The following ZKSCAN8 variants were observed in gnomAD, a reference collection of about 807,000 sequenced individuals.
ZKSCAN8 encodes the protein zinc finger protein with KRAB and SCAN domains 8.
A neutral mutation model predicts 57.2 loss-of-function variants in ZKSCAN8; 27 were observed. The observed-to-expected ratio is 0.47, with a 90% CI of 0.35 to 0.65. ZKSCAN8 has a LOEUF of 0.65. Ranked by LOEUF, ZKSCAN8 falls within the 30% of genes least tolerant of loss-of-function variation. The pLI, the probability that ZKSCAN8 is intolerant of heterozygous loss-of-function variation, is 0.01. For missense variants in ZKSCAN8, 597 were observed against 696.3 expected, an observed-to-expected ratio of 0.86 and a Z score of 1.60; for synonymous variants, 214 against 248.7, an observed-to-expected ratio of 0.86 and a Z score of 1.31.
chr6:28,146,275 G>A (rs1244241846), intron 1 of ZKSCAN8, among the ~76,000 whole-genome samples: 1 of 152,150 alleles, frequency 6.6e-6, no homozygotes, highest in African/African-American at 2.4e-5. Context: ...AAGTTTTGAA[G>A]TCAGAATTCC....
chr6:28,149,727 T>A, intron 3 of ZKSCAN8, 103 bp downstream of exon 3: 1 of 1,369,692 alleles, frequency 7.3e-7, no homozygotes, highest in South Asian at 1.5e-5. Flanking sequence ...AAAATCCTGT[T>A]TACAGACCAG....
At chr6:28,145,997 T>C (rs2113577934) in intron 1 of ZKSCAN8, among the ~76,000 whole-genome samples, 1 of 152,254 alleles carries the variant, frequency 6.6e-6, no homozygotes, top group African/African-American at 2.4e-5. Flanking sequence ...GGAACATGAA[T>C]GGGAAAAAAG....
At position 28,148,451 on chromosome 6, in the gene ZKSCAN8, A is replaced by C. The variant is rs774732868; in HGVS notation, c.44A>C (p.Asp15Ala). The stretch of plus-strand genomic sequence containing the variant: ...AAGCCTTCAGCCCCATCCCCACCAG[A>C]CCAGACTCCTGAAGAGGATCTTGTA... Reference protein sequence around the residue: ...SRKPSAPSPPDQTPEEDLVIV... With the variant: ...SRKPSAPSPPAQTPEEDLVIV... Residue 15 changes from aspartate (D) to alanine (A), a missense_variant, in exon 2 of 6, where the codon GAC (aspartate) becomes GCC (alanine). Coordinates refer to ENST00000330236, the MANE Select transcript of ZKSCAN8 (RefSeq NM_006298.4). The C allele has an allele frequency of 6.2e-7, 1 of 1,614,130 alleles. No homozygotes were observed. The highest frequency in any genetic ancestry group is 8.5e-7 in the Non-Finnish European group (1 of 1,180,012).
At chr6:28,148,983 A>G in intron 2 of ZKSCAN8, 159 bp downstream of exon 2, 2 of 883,890 alleles carry the variant, frequency 2.3e-6, no homozygotes, top group Non-Finnish European at 3.3e-6. Context: ...AGTTCTTTTT[A>G]CTTTTGTAAA....
rs1335583310 is a variant in ZKSCAN8, at chr6:28,154,182, G to T, written c.*165G>T. The T allele has an allele frequency of 2.0e-6, 2 of 987,072 alleles. No individual in the cohort carries two copies. Among genetic ancestry groups the T allele is most frequent in the East Asian group, 2.6e-5 (1 of 38,788 alleles). 61.1% of individuals were successfully genotyped at this position (987,072 alleles called of 1,614,324 possible). ...AGCTCTTTAGTAATTTGGGCCCAGT[G>T]CCTTGGTGAAGGTTGATTAGCTTGA... On this transcript the variant is annotated 3_prime_UTR_variant, in exon 6 of 6. Transcript: ENST00000330236.
chr6:28,152,820 G>C (rs187627239), intron 5 of ZKSCAN8, among the ~76,000 whole-genome samples: 36 of 151,968 alleles, frequency 2.4e-4, no homozygotes, highest in Middle Eastern at 6.8e-3. Flanking sequence ...ATCCTTTCCT[G>C]ACTTTAGTTC....
rs565242305 is a variant in ZKSCAN8 at position 28,153,134 on chromosome 6, C to T, written c.854C>T (p.Thr285Ile). The change falls in exon 6 of 6, where the codon ACA becomes ATA. Residue 285 changes from threonine (T) to isoleucine (I), a missense_variant. Thr to Ile is a moderately conservative substitution (Grantham distance 89). Transcript: ENST00000330236. The stretch of plus-strand genomic sequence containing the variant: ...ACTGGAATCCAGCCACATGGAGAGA[C>T]AGCTGCCAAATGCAACGGGGATGTT... ...ISTGIQPHGE[T>I]AAKCNGDVIR... 232 of 1,614,188 alleles carry T rather than the reference C, an allele frequency of 1.4e-4. 1 individual carries two copies. The South Asian group carries it at 2.3e-3, about 16-fold the overall frequency.
chr6:28,151,765 A>G (rs1413239477), intron 3 of ZKSCAN8, 80 bp from the exon 4 acceptor site: 1 of 1,168,656 alleles, frequency 8.6e-7, no homozygotes, highest in Non-Finnish European at 1.3e-6. Context: ...TGAAATAAAA[A>G]TAATTTGGAA....
Position 28,155,940 on chromosome 6 carries a change from CTT to C in ZKSCAN8, c.*1924_*1925del, listed in dbSNP as rs765659638. On this transcript the variant is annotated 3_prime_UTR_variant, in exon 6 of 6. Coordinates refer to ENST00000330236, the MANE Select transcript of ZKSCAN8 (RefSeq NM_006298.4). ...CCTTTATTTTCTTATCCTCCCTTCT[CTT>C]GTTTCTTTTATTTATAAGTTACCAT... is the stretch of plus-strand genomic sequence containing the variant. 2.6e-6 allele frequency: 1 copy of C among 391,446 alleles called. No homozygotes were observed. Among genetic ancestry groups the C allele is most frequent in the Non-Finnish European group, 4.5e-6 (1 of 221,734 alleles). 24.2% of individuals were successfully genotyped at this position (391,446 alleles called of 1,614,324 possible). A position where few individuals can be genotyped will look rare whatever the true frequency, so the allele number is the denominator to read the frequency against.
rs760168202 is a variant in ZKSCAN8 at position 28,153,354 on chromosome 6, C to T, written c.1074C>T (p.Ala358=). ...KPYQCNVCGK[A]FSYRSALLSH... is the part of the protein sequence containing the mutation. Reference sequence around the variant, plus strand: ...ATCAGTGTAATGTGTGTGGTAAAGCCTTCAGTTACAGGTCAGCCCTTCTTT... The same window carrying T: ...ATCAGTGTAATGTGTGTGGTAAAGCTTTCAGTTACAGGTCAGCCCTTCTTT... The change falls in exon 6 of 6, where the codon GCC becomes GCT. Residue 358 remains alanine (A), a synonymous_variant. Transcript: ENST00000330236. 1.1e-5 allele frequency: 17 copies of T among 1,613,818 alleles called. No homozygotes were observed. The highest frequency in any genetic ancestry group is 1.4e-5 in the Non-Finnish European group (17 of 1,179,938).
At chr6:28,151,776 T>G in intron 3 of ZKSCAN8, 69 bp from the exon 4 acceptor site, 3 of 1,241,408 alleles carry the variant, frequency 2.4e-6, no homozygotes, top group Non-Finnish European at 3.5e-6. Context: ...TAATTTGGAA[T>G]GGGTGAGTGC....
Position 28,148,659 on chromosome 6 carries a change from G to C in ZKSCAN8, c.252G>C (p.Leu84Phe). Residue 84 changes from leucine (L) to phenylalanine (F), a missense_variant, in exon 2 of 6, where the codon TTG (leucine) becomes TTC (phenylalanine). Leu to Phe is a conservative substitution (Grantham distance 22). Coordinates refer to ENST00000330236, the MANE Select transcript of ZKSCAN8 (RefSeq NM_006298.4). The part of the protein sequence containing the change: ...ALCHQWLRPD[L>F]NTKEQILELL... ...GCCATCAGTGGCTGAGGCCAGATTT[G>C]AACACCAAGGAACAGATCCTGGAGC... The C allele has an allele frequency of 6.2e-7, 1 of 1,614,098 alleles. No homozygotes were observed.
intron 2 of ZKSCAN8, 114 bp from the exon 3 acceptor site, chr6:28,149,369 C>G: frequency 7.4e-7 from 1 of 1,344,976 alleles, no homozygotes; most frequent in South Asian, 1.4e-5. Context: ...GAGGAAGATT[C>G]TGCTGCTTCC....
chr6:28,152,201 C>G lies in ZKSCAN8; in HGVS notation c.652-60C>G. ...CCAATACTGGTGGATCTCTCAAGCTCTATAGGTTTGAGCTGTGGAACAGTC... is the reference window on the plus strand; with the variant it reads ...CCAATACTGGTGGATCTCTCAAGCTGTATAGGTTTGAGCTGTGGAACAGTC... On this transcript the variant is annotated intron_variant, in intron 4 of 5. Coordinates refer to ENST00000330236, the MANE Select transcript of ZKSCAN8 (RefSeq NM_006298.4). The G allele has an allele frequency of 1.9e-6, 3 of 1,557,230 alleles. 1 individual carries two copies. In the South Asian group the frequency reaches 3.8e-5, roughly 20 times the overall value.
intron 1 of ZKSCAN8, among the ~76,000 whole-genome samples, chr6:28,146,391 A>G (rs1164005303): frequency 6.6e-6 from 1 of 152,212 alleles, no homozygotes; most frequent in Non-Finnish European, 1.5e-5. Flanking sequence ...AATTGGAGTC[A>G]CCAGGAAAGG....
Position 28,153,210 on chromosome 6 carries a change from G to A in ZKSCAN8, c.930G>A (p.Glu310=), listed in dbSNP as rs1765656480. The change falls in exon 6 of 6, where the codon GAG becomes GAA. Residue 310 remains glutamate, a synonymous_variant. Transcript: ENST00000330236. The part of the protein sequence containing the change: ...EEARDLLGRL[E]RQRGNPTQER... ...CCCGAGACCTTCTGGGCAGATTAGA[G>A]AGGCAGCGGGGAAATCCCACACAAG... 1.9e-6 allele frequency: 3 copies of A among 1,614,200 alleles called. No homozygotes were observed. Among genetic ancestry groups the A allele is most frequent in the South Asian group, 2.2e-5 (2 of 91,082 alleles).
At position 28,154,130 on chromosome 6, in the gene ZKSCAN8, A is replaced by G; in HGVS notation, c.*113A>G. The G allele has an allele frequency of 2.1e-6, 3 of 1,456,122 alleles. No homozygotes were observed. The South Asian group carries it at 4.3e-5, about 21-fold the overall frequency. The allele number at this position is 1,456,122 out of a possible 1,614,324, so 90.2% of individuals were successfully genotyped here. A position where few individuals can be genotyped will look rare whatever the true frequency, so the allele number is the denominator to read the frequency against. On this transcript the variant is annotated 3_prime_UTR_variant, in exon 6 of 6. Transcript: ENST00000330236. Reference sequence around the variant, plus strand: ...AAGGTCATCACAACTTTAGTGTCAGAATCTATAGTGGTGGCAAAGTTAGGA... The same window carrying G: ...AAGGTCATCACAACTTTAGTGTCAGGATCTATAGTGGTGGCAAAGTTAGGA...
At chr6:28,143,324 A>G (rs959708120) in intron 1 of ZKSCAN8, among the ~76,000 whole-genome samples, 17 of 152,232 alleles carry the variant, frequency 1.1e-4, no homozygotes, top group Non-Finnish European at 1.5e-5. Flanking sequence ...ACTAAATAGA[A>G]TAATCAAGAT....
At position 28,155,908 on chromosome 6, in the gene ZKSCAN8, C is replaced by G; in HGVS notation, c.*1891C>G. 2.7e-6 allele frequency: 1 copy of G among 370,956 alleles called. No homozygotes were observed. The highest frequency in any genetic ancestry group is 4.8e-6 in the Non-Finnish European group (1 of 208,906). The allele number at this position is 370,956 out of a possible 1,614,324, so 23.0% of individuals were successfully genotyped here. ...TCATGTTGGTTTCCAACAGTCCTTT[C>G]GATTATCCTTTATTTTCTTATCCTC... On this transcript the variant is annotated 3_prime_UTR_variant, in exon 6 of 6. Transcript: ENST00000330236.
Sources: allele counts gnomAD v4.1 joint callset (sites outside exome capture counted in the v4.1 genomes callset), GRCh38; gene constraint gnomAD v4.1.1; transcripts MANE v1.5; gene names NCBI Gene and HGNC (gene_info 2026-07-23, HGNC 2026-07-21).